Variants in MYZAP observed in about 807,000 individuals in gnomAD.
MYZAP encodes the protein GRINL1A complex locus upstream.
A neutral mutation model predicts 69.4 loss-of-function variants in MYZAP; 66 were observed. The observed-to-expected ratio is 0.95, with a 90% CI of 0.78 to 1.17. The LOEUF (loss-of-function observed/expected upper bound fraction) is 1.17, where lower values mean the gene tolerates loss of function less well. MYZAP is among the 50% of genes most tolerant of loss of function. MYZAP has a pLI of 0.00. For synonymous variants in MYZAP, 256 were observed against 205.9 expected (o/e 1.24, Z -2.09); for missense variants, 611 against 556.2 (o/e 1.10, Z -0.99).
chr15:57,609,520 G>A (rs1218111581), intron 2 of MYZAP, among the ~76,000 whole-genome samples: 1 of 152,120 alleles, frequency 6.6e-6, no homozygotes, highest in Admixed American at 6.5e-5. Context: ...CACCAATAGG[G>A]CCCAGTCTGA....
At chr15:57,603,321 T>TA (rs1595853755) in intron 1 of MYZAP, among the ~76,000 whole-genome samples, 2 of 151,986 alleles carry the variant, frequency 1.3e-5, no homozygotes, top group East Asian at 1.9e-4. Flanking sequence ...CTTTTTTTTT[T>TA]AAATTGTAGC....
At chr15:57,649,611 C>T (rs1057097883) in intron 10 of MYZAP, among the ~76,000 whole-genome samples, 1 of 152,068 alleles carries the variant, frequency 6.6e-6, no homozygotes, top group East Asian at 1.9e-4. Flanking sequence ...AATCATTTAT[C>T]GAAAACTATT....
chr15:57,670,586 T>A (rs927982689), intron 11 of MYZAP, among the ~76,000 whole-genome samples: 15 of 152,128 alleles, frequency 9.9e-5, no homozygotes, highest in African/African-American at 3.6e-4. Flanking sequence ...TATTTAATTA[T>A]ATTTATATGA....
At chr15:57,639,572 C>T (rs373394678) in intron 10 of MYZAP, 27 bp downstream of exon 10, 30 of 1,605,688 alleles carry the variant, frequency 1.9e-5, no homozygotes, top group Non-Finnish European at 2.5e-5. Context: ...GGTCACAGGC[C>T]TGGGATTGCT....
chr15:57,656,919 C>G (rs2038038207), intron 10 of MYZAP, among the ~76,000 whole-genome samples: 2 of 152,216 alleles, frequency 1.3e-5, no homozygotes, highest in African/African-American at 4.8e-5. Flanking sequence ...TCAAATCCTA[C>G]TCCTGTCCAG....
chr15:57,623,685 A>T (rs2035954318), intron 4 of MYZAP, among the ~76,000 whole-genome samples: 1 of 151,592 alleles, frequency 6.6e-6, no homozygotes, highest in Non-Finnish European at 1.5e-5. Flanking sequence ...GTGAGCCAAG[A>T]CTGTGCCACT....
chr15:57,647,251 A>G (rs1383606729), intron 10 of MYZAP: 1 of 985,282 alleles, frequency 1.0e-6, no homozygotes, highest in African/African-American at 1.7e-5. Flanking sequence ...TTAGTTATTA[A>G]CCATTAATAT....
intron 12 of MYZAP, among the ~76,000 whole-genome samples, chr15:57,684,021 C>T (rs978964263): frequency 1.3e-5 from 2 of 152,008 alleles, no homozygotes; most frequent in African/African-American, 2.4e-5. Flanking sequence ...CACGAACTCC[C>T]GACTTCAGGT....
intron 2 of MYZAP, among the ~76,000 whole-genome samples, chr15:57,616,916 A>G (rs1423824447): frequency 2.3e-5 from 3 of 130,256 alleles, no homozygotes; most frequent in Middle Eastern, 0.011. Context: ...AATTACCTTT[A>G]TGGAATTTGG....
intron 10 of MYZAP, among the ~76,000 whole-genome samples, chr15:57,650,501 A>G (rs1218997476): frequency 6.6e-6 from 1 of 152,228 alleles, no homozygotes; most frequent in African/African-American, 2.4e-5. Flanking sequence ...GGTTAAGTTC[A>G]TAGGCTTTGA....
At chr15:57,596,275 G>A (rs1297191374) in intron 1 of MYZAP, among the ~76,000 whole-genome samples, 1 of 152,204 alleles carries the variant, frequency 6.6e-6, no homozygotes, top group Non-Finnish European at 1.5e-5. Context: ...ATCTGAACAA[G>A]AGACCTGGAG....
intron 2 of MYZAP, among the ~76,000 whole-genome samples, chr15:57,613,098 AT>A (rs1269069073): frequency 6.6e-6 from 1 of 151,480 alleles, no homozygotes; most frequent in Non-Finnish European, 1.5e-5. Context: ...CGCCTGGCTA[AT>A]TTTTTTGTAT....
chr15:57,632,110 A>G (rs1033898820), intron 6 of MYZAP, among the ~76,000 whole-genome samples: 1 of 152,236 alleles, frequency 6.6e-6, no homozygotes, highest in Non-Finnish European at 1.5e-5. Context: ...AGCTGGTCTT[A>G]CCTAGAAACT....
rs144283141 is a variant in MYZAP, at chr15:57,657,582, G to T, written c.1120-3868G>T. Among the ~76,000 whole-genome samples, 524 of 152,176 alleles carry T rather than the reference G, an allele frequency of 3.4e-3. 2 individuals carry two copies. Among genetic ancestry groups the T allele is most frequent in the African/African-American group, 0.011 (459 of 41,506 alleles). On this transcript the variant is annotated intron_variant, in intron 10 of 12. Coordinates refer to ENST00000267853, the MANE Select transcript of MYZAP (RefSeq NM_001018100.5). ...TTTGTGTAGTATACTCCATGAAATT[G>T]ATATTTCATAATTTATTACCCTTTC...
intron 12 of MYZAP, among the ~76,000 whole-genome samples, chr15:57,684,128 A>G (rs998661654): frequency 1.4e-5 from 1 of 69,234 alleles, no homozygotes; most frequent in African/African-American, 3.1e-5. Flanking sequence ...AATCCCATTC[A>G]TGAGGGCTCC....
chr15:57,639,590 G>T, intron 10 of MYZAP, 45 bp downstream of exon 10: 2 of 1,584,280 alleles, frequency 1.3e-6, no homozygotes, highest in Non-Finnish European at 1.7e-6. Flanking sequence ...GCTTCCTGTG[G>T]TGGGGAAGCA....
chr15:57,677,298 A>G (rs2039191521), intron 12 of MYZAP, among the ~76,000 whole-genome samples: 2 of 152,224 alleles, frequency 1.3e-5, no homozygotes, highest in African/African-American at 4.8e-5. Context: ...ATTCCAAGTA[A>G]GATTCTGTTT....
intron 2 of MYZAP, among the ~76,000 whole-genome samples, chr15:57,609,118 G>A (rs2034945828): frequency 6.6e-6 from 1 of 152,154 alleles, no homozygotes; most frequent in Non-Finnish European, 1.5e-5. Flanking sequence ...CATGTATGTA[G>A]GCACATACAC....
intron 8 of MYZAP, among the ~76,000 whole-genome samples, chr15:57,637,003 A>G (rs1291602660): frequency 6.6e-6 from 1 of 152,102 alleles, no homozygotes; most frequent in African/African-American, 2.4e-5. Context: ...GGCCACCTGT[A>G]CTCCTCAACT....
Sources: allele counts gnomAD v4.1 joint callset (sites outside exome capture counted in the v4.1 genomes callset), GRCh38; gene constraint gnomAD v4.1.1; transcripts MANE v1.5; gene names NCBI Gene and HGNC (gene_info 2026-07-23, HGNC 2026-07-21).